CACNB2: variants seen among roughly 807,000 people sequenced by gnomAD.
CACNB2 encodes the protein voltage-dependent L-type calcium channel subunit beta-2.
In CACNB2, 42 loss-of-function variants were observed where a neutral mutation model predicts 73.3. The ratio of observed to expected loss-of-function variants is 0.57; its 90% confidence interval spans 0.45 to 0.74. The LOEUF is 0.74. CACNB2 is among the 30% of genes least tolerant of loss of function. CACNB2 has a pLI of 0.00. For missense variants in CACNB2, 940 were observed against 853.0 expected (o/e 1.10, Z -1.27); for synonymous variants, 348 against 310.3 (o/e 1.12, Z -1.28).
At chr10:18,378,894 C>G (rs1450665407) in intron 2 of CACNB2, among the ~76,000 whole-genome samples, 2 of 152,192 alleles carry the variant, frequency 1.3e-5, no homozygotes, top group Non-Finnish European at 2.9e-5. Context: ...CTGCTCCCAA[C>G]TCCTTAGAAC....
intron 2 of CACNB2, among the ~76,000 whole-genome samples, chr10:18,327,977 C>A (rs1215826961): frequency 6.6e-6 from 1 of 152,104 alleles, no homozygotes; most frequent in Non-Finnish European, 1.5e-5. Flanking sequence ...GTGTCAAATT[C>A]TTGAAGCAGA....
At chr10:18,488,517 A>G (rs971742422) in intron 3 of CACNB2, among the ~76,000 whole-genome samples, 4 of 149,222 alleles carry the variant, frequency 2.7e-5, no homozygotes, top group African/African-American at 9.9e-5. Flanking sequence ...AGGATTTGAC[A>G]TCGCTGTTGA....
At chr10:18,520,502 C>G (rs904370751) in intron 9 of CACNB2, among the ~76,000 whole-genome samples, 6 of 152,176 alleles carry the variant, frequency 3.9e-5, no homozygotes, top group Non-Finnish European at 8.8e-5. Flanking sequence ...TCCCTTAAAG[C>G]CTGTGCTCAG....
intron 3 of CACNB2, among the ~76,000 whole-genome samples, chr10:18,459,000 G>A (rs913300837): frequency 1.3e-5 from 2 of 151,960 alleles, no homozygotes; most frequent in African/African-American, 4.8e-5. Context: ...CCTCACCTCA[G>A]GTCATCTCCC....
intron 2 of CACNB2, among the ~76,000 whole-genome samples, chr10:18,299,127 G>GA (rs979657740): frequency 1.9e-4 from 27 of 145,096 alleles, no homozygotes; most frequent in African/African-American, 6.1e-4. Flanking sequence ...AATAAAAAAA[G>GA]AAAAAAAAAG....
At chr10:18,374,036 G>GA (rs746972528) in intron 2 of CACNB2, among the ~76,000 whole-genome samples, 8 of 152,102 alleles carry the variant, frequency 5.3e-5, no homozygotes, top group East Asian at 1.9e-4. Context: ...CTGATTTAGA[G>GA]AAAAAATATT....
chr10:18,292,677 T>C (rs928018526), intron 2 of CACNB2, among the ~76,000 whole-genome samples: 4 of 152,012 alleles, frequency 2.6e-5, no homozygotes, highest in African/African-American at 9.7e-5. Flanking sequence ...AAATTATATA[T>C]ATAGATTTAA....
At position 18,489,015 on chromosome 10, in the gene CACNB2, T is replaced by TA. The variant is rs1382971636; in HGVS notation, c.334-9335dup. ...TAACATGGTGATACCCCATCTCTAC[T>TA]AAAAATACAAAATATTGGCCGGGCA... On this transcript the variant is annotated intron_variant, in intron 3 of 13. Transcript: ENST00000324631. Among the ~76,000 whole-genome samples, 9 of 151,826 alleles carry TA rather than the reference T, an allele frequency of 5.9e-5. No homozygotes were observed. In the South Asian group the frequency reaches 1.9e-3, roughly 32 times the overall value.
intron 9 of CACNB2, among the ~76,000 whole-genome samples, chr10:18,522,981 T>C (rs1389383516): frequency 1.3e-5 from 2 of 150,870 alleles, no homozygotes; most frequent in Non-Finnish European, 2.9e-5. Context: ...TTTCAAGGTA[T>C]GAAAAGACTT....
At chr10:18,538,034 A>G in intron 12 of CACNB2, 146 bp from the exon 13 acceptor site, 1 of 778,268 alleles carries the variant, frequency 1.3e-6, no homozygotes, top group Non-Finnish European at 2.3e-6. Context: ...CTAACTAAAT[A>G]AAAAGGGAGA....
At chr10:18,149,751 C>G (rs1177137433) in intron 1 of CACNB2, among the ~76,000 whole-genome samples, 1 of 152,090 alleles carries the variant, frequency 6.6e-6, no homozygotes, top group African/African-American at 2.4e-5. Context: ...CTCTATGAGC[C>G]TAATAATTGT....
chr10:18,175,256 A>G (rs2033512214), intron 2 of CACNB2, among the ~76,000 whole-genome samples: 2 of 152,210 alleles, frequency 1.3e-5, no homozygotes, highest in Non-Finnish European at 2.9e-5. Context: ...TTCGTTGTCC[A>G]CACTGGTACC....
At chr10:18,144,457 T>G (rs1018097319) in intron 1 of CACNB2, among the ~76,000 whole-genome samples, 11 of 152,206 alleles carry the variant, frequency 7.2e-5, no homozygotes, top group Admixed American at 2.0e-4. Flanking sequence ...TTTAAGAAAA[T>G]TGCATTGCTT....
intron 3 of CACNB2, among the ~76,000 whole-genome samples, chr10:18,461,273 C>T (rs2047560776): frequency 6.6e-6 from 1 of 152,124 alleles, no homozygotes; most frequent in African/African-American, 2.4e-5. Flanking sequence ...TCTTTCGATC[C>T]CTATCCTCAA....
At chr10:18,187,070 G>A (rs1203105083) in intron 2 of CACNB2, among the ~76,000 whole-genome samples, 1 of 152,148 alleles carries the variant, frequency 6.6e-6, no homozygotes, top group Non-Finnish European at 1.5e-5. Flanking sequence ...TGAGCCATGA[G>A]AGGGGAATCA....
At chr10:18,389,311 A>G (rs1218230471) in intron 2 of CACNB2, among the ~76,000 whole-genome samples, 1 of 151,864 alleles carries the variant, frequency 6.6e-6, no homozygotes, top group South Asian at 2.1e-4. Flanking sequence ...TCATTTTTAA[A>G]ATGTTTTTGT....
intron 2 of CACNB2, among the ~76,000 whole-genome samples, chr10:18,264,772 G>A (rs2037714633): frequency 1.3e-5 from 2 of 152,194 alleles, no homozygotes. Context: ...CCATGCTACT[G>A]TTGATGGGCA....
intron 2 of CACNB2, among the ~76,000 whole-genome samples, chr10:18,390,144 C>T (rs2043401418): frequency 6.6e-6 from 1 of 152,048 alleles, no homozygotes; most frequent in Admixed American, 6.6e-5. Context: ...AGGAAAGAGC[C>T]CAGATTCATT....
intron 2 of CACNB2, among the ~76,000 whole-genome samples, chr10:18,373,142 C>G (rs1448838412): frequency 1.3e-5 from 2 of 152,098 alleles, no homozygotes; most frequent in African/African-American, 4.8e-5. Context: ...ACTAGCAGAA[C>G]TCACCTCAGG....
Sources: gnomAD v4.1 joint callset for allele counts (sites outside exome capture counted in the v4.1 genomes callset) on GRCh38, gnomAD v4.1.1 for gene constraint, MANE v1.5 for transcripts, NCBI Gene and HGNC (gene_info 2026-07-23, HGNC 2026-07-21) for gene names.